The following GLRA2 variants were observed in gnomAD, a reference collection of about 807,000 sequenced individuals.
GLRA2 encodes the protein glycine receptor alpha 2.
GLRA2 carries 11 observed loss-of-function variants against 31.6 expected under a neutral mutation model. That is an observed-to-expected ratio of 0.35 (90% CI 0.22 to 0.58). The LOEUF is 0.58. GLRA2 is among the 20% of genes least tolerant of loss of function. The probability of loss-of-function intolerance (pLI) is 0.84; values close to 1 mark genes in which losing one functional copy is unlikely to be tolerated. For missense variants in GLRA2, 212 were observed against 351.8 expected (o/e 0.60, Z 3.18); for synonymous variants, 132 against 134.0 (o/e 0.99, Z 0.10).
intron 7 of GLRA2, among the ~76,000 whole-genome samples, chrX:14,660,310 G>C (rs1474086194): frequency 9.0e-6 from 1 of 111,698 alleles, no homozygotes; most frequent in Non-Finnish European, 1.9e-5. Flanking sequence ...CCAGGCAGAG[G>C]AAACAGTCAG....
chrX:14,503,133 T>A, the GLRA2 span, among the ~76,000 whole-genome samples: 1 of 111,470 alleles, frequency 9.0e-6, no homozygotes, highest in South Asian at 3.8e-4. Context: ...AAATACAGAA[T>A]CCTAGAGTAA....
intron 7 of GLRA2, among the ~76,000 whole-genome samples, chrX:14,671,263 G>A (rs771377366): frequency 6.3e-5 from 7 of 111,844 alleles, no homozygotes; most frequent in African/African-American, 2.3e-4. Context: ...TGGCAATGAT[G>A]TGGCAGGCAT....
chrX:14,533,450 A>C (rs2089283636), intron 2 of GLRA2, among the ~76,000 whole-genome samples: 1 of 109,930 alleles, frequency 9.1e-6, no homozygotes, highest in South Asian at 3.9e-4. Flanking sequence ...ATATGTCAGA[A>C]TTTTGGTGAA....
the GLRA2 span, among the ~76,000 whole-genome samples, chrX:14,515,332 A>G: frequency 1.8e-5 from 2 of 112,028 alleles, no homozygotes; most frequent in African/African-American, 6.5e-5. Context: ...TTTCACGTTC[A>G]GTACAATGTA....
chrX:14,537,268 G>C lies in GLRA2; in HGVS notation c.202+4896G>C, dbSNP rs753270100. 4.5e-5 allele frequency among the ~76,000 whole-genome samples: 5 copies of C among 111,800 alleles called. No homozygotes were observed. In the South Asian group the frequency reaches 1.1e-3, roughly 25 times the overall value. On this transcript the variant is annotated intron_variant, in intron 2 of 8. Coordinates refer to ENST00000218075, the MANE Select transcript of GLRA2 (RefSeq NM_002063.4). ...GAATGTCCCTAAAAGATACACAAAA[G>C]AGTGGAAATATCAGGTGCTTCTGAG...
intron 2 of GLRA2, among the ~76,000 whole-genome samples, chrX:14,545,959 G>A (rs1294976353): frequency 2.7e-5 from 3 of 111,007 alleles, no homozygotes; most frequent in Non-Finnish European, 5.7e-5. Flanking sequence ...ATATGCCCAG[G>A]GTCATGCCTT....
chrX:14,525,733 G>A (rs1050008230), upstream of GLRA2, among the ~76,000 whole-genome samples: 1 of 111,442 alleles, frequency 9.0e-6, no homozygotes. Context: ...AGACTGCTGC[G>A]CCACTGAACT....
intron 2 of GLRA2, among the ~76,000 whole-genome samples, chrX:14,571,391 G>GA (rs1345462978): frequency 1.8e-5 from 2 of 111,518 alleles, no homozygotes; most frequent in East Asian, 2.8e-4. Context: ...TAAAAGTGGG[G>GA]AAAAAAACAG....
At chrX:14,512,794 G>A in the GLRA2 span, among the ~76,000 whole-genome samples, 1 of 111,534 alleles carries the variant, frequency 9.0e-6, no homozygotes, top group East Asian at 2.8e-4. Context: ...CACATCCCAC[G>A]TTCATGAATG....
chrX:14,690,316 ATATT>A (rs2091331190), intron 7 of GLRA2, among the ~76,000 whole-genome samples: 1 of 112,241 alleles, frequency 8.9e-6, no homozygotes, highest in Admixed American at 9.4e-5. Context: ...AAAATTGTAT[ATATT>A]TATGGTGTAT....
the GLRA2 span, among the ~76,000 whole-genome samples, chrX:14,452,473 TG>T: frequency 8.9e-6 from 1 of 112,754 alleles, no homozygotes; most frequent in Non-Finnish European, 1.9e-5. Flanking sequence ...TTTTGCTAAA[TG>T]AAATTCAAGA....
intron 2 of GLRA2, among the ~76,000 whole-genome samples, chrX:14,559,792 C>G (rs1022458131): frequency 1.9e-5 from 2 of 107,889 alleles, no homozygotes; most frequent in African/African-American, 6.8e-5. Context: ...ATGGCACGAT[C>G]TCGACTCACA....
the GLRA2 span, among the ~76,000 whole-genome samples, chrX:14,509,570 G>T: frequency 8.9e-6 from 1 of 112,217 alleles, no homozygotes; most frequent in African/African-American, 3.2e-5. Context: ...CTAATGTAGT[G>T]GCTTCATAAA....
At chrX:14,560,823 GAATA>G (rs1174865448) in intron 2 of GLRA2, among the ~76,000 whole-genome samples, 1 of 73,727 alleles carries the variant, frequency 1.4e-5, no homozygotes, top group African/African-American at 5.0e-5. Flanking sequence ...AAAAAAAAAA[GAATA>G]ATAGTAACAT....
At chrX:14,555,333 T>G (rs907273445) in intron 2 of GLRA2, among the ~76,000 whole-genome samples, 2 of 112,140 alleles carry the variant, frequency 1.8e-5, no homozygotes, top group Non-Finnish European at 3.8e-5. Context: ...GTGAAGATAT[T>G]TCTCCTTTTA....
chrX:14,519,852 A>G, the GLRA2 span, among the ~76,000 whole-genome samples: 3 of 112,261 alleles, frequency 2.7e-5, no homozygotes, highest in Non-Finnish European at 5.6e-5. Context: ...TCAAAGAAAT[A>G]ACAGTATTTT....
the GLRA2 span, among the ~76,000 whole-genome samples, chrX:14,469,754 G>A: frequency 3.9e-5 from 4 of 103,731 alleles, no homozygotes; most frequent in Admixed American, 4.2e-4. Flanking sequence ...TAAATGACGA[G>A]TTAATGGGTG....
intron 3 of GLRA2, among the ~76,000 whole-genome samples, chrX:14,576,227 C>T (rs1187704574): frequency 4.5e-5 from 5 of 111,459 alleles, no homozygotes; most frequent in East Asian, 2.8e-4. Flanking sequence ...CATAATTCAA[C>T]TCCATTACCC....
At chrX:14,546,795 T>C (rs921895234) in intron 2 of GLRA2, among the ~76,000 whole-genome samples, 6 of 111,426 alleles carry the variant, frequency 5.4e-5, no homozygotes, top group African/African-American at 1.6e-4. Flanking sequence ...GCTTTCATGA[T>C]TGAGTTATTC....
Sources: allele counts gnomAD v4.1 joint callset (sites outside exome capture counted in the v4.1 genomes callset), GRCh38; gene constraint gnomAD v4.1.1; transcripts MANE v1.5; gene names NCBI Gene and HGNC (gene_info 2026-07-23, HGNC 2026-07-21).